Variants in TREM1 observed in about 807,000 individuals in gnomAD.
The protein encoded by TREM1 is triggering receptor expressed on monocytes 1.
In TREM1, 16 loss-of-function variants were observed where a neutral mutation model predicts 22.4. The observed-to-expected ratio is 0.71, with a 90% CI of 0.48 to 1.08. TREM1 has a LOEUF of 1.08. Ranked by LOEUF, TREM1 falls within the 50% of genes least tolerant of loss-of-function variation. The pLI is 0.00. For missense variants in TREM1, 283 were observed against 282.9 expected (o/e 1.00, Z 0.00); for synonymous variants, 110 against 111.6 (o/e 0.99, Z 0.09).
At chr6:41,277,907 C>CTTTTTTT (rs11341322) in intron 3 of TREM1, among the ~76,000 whole-genome samples, 3 of 111,346 alleles carry the variant, frequency 2.7e-5, no homozygotes, top group Admixed American at 9.5e-5. Context: ...TTCTTTTTGT[C>CTTTTTTT]TTTTTTTTTT....
chr6:41,285,126 T>G (rs749001720), intron 1 of TREM1, among the ~76,000 whole-genome samples: 13 of 152,302 alleles, frequency 8.5e-5, no homozygotes, highest in Middle Eastern at 3.4e-3. Context: ...TAAATCTCTT[T>G]TATTTGCCAG....
chr6:41,276,040 C>A lies in TREM1; in HGVS notation c.*85G>T. ...TTTAATTCATGTTATTAACTCCCTG[C>A]CTTTTACCTCCTCCCTCCTCCCTTG... On this transcript the variant is annotated 3_prime_UTR_variant, in exon 4 of 4. Coordinates refer to ENST00000244709, the MANE Select transcript of TREM1 (RefSeq NM_018643.5). 1.0e-6 allele frequency: 1 copy of A among 982,628 alleles called. No individual in the cohort carries two copies. The highest frequency in any genetic ancestry group is 2.4e-5 in the East Asian group (1 of 41,852). The allele number at this position is 982,628 out of a possible 1,614,324, so 60.9% of individuals were successfully genotyped here.
chr6:41,279,880 A>G (rs951019476), intron 3 of TREM1: 1 of 982,288 alleles, frequency 1.0e-6, no homozygotes, highest in South Asian at 4.7e-5. Context: ...TCTCATGGAA[A>G]TTTCGAGTTA....
In TREM1 at chr6:41,276,107, T is replaced by A; in HGVS notation, c.*18A>T. The A allele has an allele frequency of 6.2e-7, 1 of 1,600,682 alleles. No individual in the cohort carries two copies. The highest frequency in any genetic ancestry group is 1.1e-5 in the South Asian group (1 of 90,800). ...GATGTGGCTGGAAGTCAGAGGACAT[T>A]CTCGTGGGTTCGTGGGCCTAGGGTA... is the stretch of plus-strand genomic sequence containing the variant. On this transcript the variant is annotated 3_prime_UTR_variant, in exon 4 of 4. Transcript: ENST00000244709.
At chr6:41,268,698 C>A (rs991155136), downstream of TREM1, among the ~76,000 whole-genome samples, 3 of 152,166 alleles carry the variant, frequency 2.0e-5, no homozygotes, top group Non-Finnish European at 4.4e-5. Context: ...AGAGAGGGAC[C>A]AAGAATCCAC....
intron 3 of TREM1, among the ~76,000 whole-genome samples, chr6:41,268,388 T>G (rs986566721): frequency 6.6e-6 from 1 of 152,244 alleles, no homozygotes; most frequent in East Asian, 1.9e-4. Context: ...TTTAACAGTA[T>G]GCGCTCAGTC....
At chr6:41,276,625 C>T (rs570252592) in intron 3 of TREM1, among the ~76,000 whole-genome samples, 1 of 152,228 alleles carries the variant, frequency 6.6e-6, no homozygotes, top group South Asian at 2.1e-4. Flanking sequence ...GAAGAATCCA[C>T]CCGTAGTGAA....
chr6:41,282,790 AT>A, intron 1 of TREM1, 39 bp from the exon 2 acceptor site: 1 of 1,538,250 alleles, frequency 6.5e-7, no homozygotes, highest in Non-Finnish European at 8.8e-7. Flanking sequence ...GTGAGGAATT[AT>A]TTTTCTCTCT....
chr6:41,279,491 T>C lies in TREM1; in HGVS notation c.599+1470A>G, dbSNP rs77012776. The stretch of plus-strand genomic sequence containing the variant: ...GCAAAGATTATGTTCTCTTAACTTA[T>C]GTATTGCAAAATGAAAGTAGAGGAA... On this transcript the variant is annotated intron_variant, in intron 3 of 3. Transcript: ENST00000244709. 3,600 of 975,420 alleles carry C rather than the reference T, an allele frequency of 3.7e-3. 68 individuals carry two copies. The African/African-American group carries it at 0.045, about 12-fold the overall frequency. The allele number at this position is 975,420 out of a possible 1,614,324, so 60.4% of individuals were successfully genotyped here.
At position 41,274,426 on chromosome 6, in the gene TREM1, G is replaced by T. The variant is rs1767584207; in HGVS notation, c.*1699C>A. Reference sequence around the variant, plus strand: ...AATACCCCCTTGCCCTGGTCACTTTGTCAACTTCATAAACAGGAACAATGC... The same window carrying T: ...AATACCCCCTTGCCCTGGTCACTTTTTCAACTTCATAAACAGGAACAATGC... On this transcript the variant is annotated 3_prime_UTR_variant, in exon 4 of 4. Transcript: ENST00000244709. Among the ~76,000 whole-genome samples, 1 of 152,102 alleles carries T rather than the reference G, an allele frequency of 6.6e-6. No homozygotes were observed. The highest frequency in any genetic ancestry group is 1.5e-5 in the Non-Finnish European group (1 of 68,030).
At chr6:41,272,681 C>A (rs1767516425), downstream of TREM1, among the ~76,000 whole-genome samples, 1 of 152,088 alleles carries the variant, frequency 6.6e-6, no homozygotes, top group Admixed American at 6.5e-5. Flanking sequence ...ATGGACCCTG[C>A]AGCATGTCTC....
rs1323611466 is a variant in TREM1 at position 41,274,406 on chromosome 6, C to A, written c.*1719G>T. On this transcript the variant is annotated 3_prime_UTR_variant, in exon 4 of 4. Coordinates refer to ENST00000244709, the MANE Select transcript of TREM1 (RefSeq NM_018643.5). ...CCTAGAGTGTATTTAATGATAATAC[C>A]CCCTTGCCCTGGTCACTTTGTCAAC... is the stretch of plus-strand genomic sequence containing the variant. 6.6e-6 allele frequency among the ~76,000 whole-genome samples: 1 copy of A among 152,052 alleles called. No individual in the cohort carries two copies. Among genetic ancestry groups the A allele is most frequent in the Non-Finnish European group, 1.5e-5 (1 of 68,024 alleles).
At chr6:41,283,050 G>C (rs1167753455) in intron 1 of TREM1, among the ~76,000 whole-genome samples, 1 of 152,228 alleles carries the variant, frequency 6.6e-6, no homozygotes, top group Admixed American at 6.5e-5. Flanking sequence ...CCTGGAGACA[G>C]AACATGGGAT....
At chr6:41,280,881 T>C (rs949634990) in intron 3 of TREM1, 80 bp downstream of exon 3, 3 of 1,605,156 alleles carry the variant, frequency 1.9e-6, no homozygotes, top group African/African-American at 2.7e-5. Flanking sequence ...TTCCCTCACT[T>C]TCACATCCTC....
At chr6:41,270,954 C>T (rs1767465261), downstream of TREM1, among the ~76,000 whole-genome samples, 1 of 152,202 alleles carries the variant, frequency 6.6e-6, no homozygotes, top group Non-Finnish European at 1.5e-5. Flanking sequence ...CATCCTCTCA[C>T]CTCAGCCTCC....
chr6:41,286,569 C>A (rs376619829), intron 1 of TREM1, 38 bp downstream of exon 1: 51 of 1,612,158 alleles, frequency 3.2e-5, no homozygotes, highest in Non-Finnish European at 4.1e-5. Flanking sequence ...GATCCTGGAC[C>A]AAACGCCTCC....
rs1767978766 is a variant in TREM1 at position 41,282,607 on chromosome 6, T to G, written c.194A>C (p.Lys65Thr). The G allele has an allele frequency of 5.0e-6, 8 of 1,614,130 alleles. No individual in the cohort carries two copies. In the East Asian group the frequency reaches 1.6e-4, roughly 31 times the overall value. ...WQIIRDGEMP[K>T]TLACTERPSK... is the part of the protein sequence containing the mutation. ...AGGCCTCTCTGTGCATGCCAGGGTC[T>G]TGGGCATCTCTCCGTCCCTTATTAT... Residue 65 changes from lysine (K) to threonine (T), a missense_variant, in exon 2 of 4, where the codon AAG (lysine) becomes ACG (threonine). Coordinates refer to ENST00000244709, the MANE Select transcript of TREM1 (RefSeq NM_018643.5).
chr6:41,282,780 G>A lies in TREM1; in HGVS notation c.50-29C>T, dbSNP rs200354883. On this transcript the variant is annotated intron_variant, in intron 1 of 3. Coordinates refer to ENST00000244709, the MANE Select transcript of TREM1 (RefSeq NM_018643.5). ...TAAGCAGGGAAAGAGAATGGGTTCTGTGAGGAATTATTTTTCTCTCTCTGA... is the reference window on the plus strand; with the variant it reads ...TAAGCAGGGAAAGAGAATGGGTTCTATGAGGAATTATTTTTCTCTCTCTGA... 3.6e-4 allele frequency: 561 copies of A among 1,563,216 alleles called. 3 individuals are homozygous for A. Among genetic ancestry groups the A allele is most frequent in the Middle Eastern group, 2.9e-3 (17 of 5,838 alleles).
chr6:41,284,496 C>T (rs530923174), intron 1 of TREM1, among the ~76,000 whole-genome samples: 39 of 152,246 alleles, frequency 2.6e-4, no homozygotes, highest in Admixed American at 9.2e-4. Flanking sequence ...GACCAAGGTC[C>T]GTGTTTTCAG....
Sources: gnomAD v4.1 joint callset for allele counts (sites outside exome capture counted in the v4.1 genomes callset) on GRCh38, gnomAD v4.1.1 for gene constraint, MANE v1.5 for transcripts, NCBI Gene and HGNC (gene_info 2026-07-23, HGNC 2026-07-21) for gene names.